CPED1: variants seen among roughly 807,000 people sequenced by gnomAD.
CPED1 encodes the protein cadherin like and PC-esterase domain containing 1.
Under a neutral mutation model 128.2 loss-of-function variants are expected in CPED1, and 114 were observed. The ratio of observed to expected loss-of-function variants is 0.89; its 90% CI spans 0.76 to 1.04. CPED1 has a LOEUF of 1.04. Ranked by LOEUF, CPED1 falls within the 50% of genes least tolerant of loss-of-function variation. The pLI, the probability that CPED1 is intolerant of heterozygous loss-of-function variation, is 0.00. For synonymous variants in CPED1, 462 were observed against 426.7 expected (o/e 1.08, Z -1.02); for missense variants, 1,211 against 1,207.1 (o/e 1.00, Z -0.05).
rs142697781 is a variant in CPED1 at position 121,004,330 on chromosome 7, G to T, written c.250-11335G>T. On this transcript the variant is annotated intron_variant, in intron 2 of 22. Transcript: ENST00000310396. Reference sequence around the variant, plus strand: ...TAGAACCTATCCTCCTCCTCCAGGGGGTATAAATGTGGTGACTGGATAGGC... The same window carrying T: ...TAGAACCTATCCTCCTCCTCCAGGGTGTATAAATGTGGTGACTGGATAGGC... Among the ~76,000 whole-genome samples, 87 of 152,256 alleles carry T rather than the reference G, an allele frequency of 5.7e-4. 1 individual carries two copies. In the East Asian group the frequency reaches 0.016, roughly 29 times the overall value.
chr7:121,221,547 C>A (rs993825409), intron 16 of CPED1, among the ~76,000 whole-genome samples: 8 of 152,244 alleles, frequency 5.3e-5, no homozygotes, highest in Non-Finnish European at 1.2e-4. Context: ...ACACTGTCTT[C>A]CACAATGGTT....
chr7:121,219,623 A>G (rs951904867), intron 16 of CPED1, among the ~76,000 whole-genome samples: 10 of 152,006 alleles, frequency 6.6e-5, no homozygotes, highest in Non-Finnish European at 4.4e-5. Flanking sequence ...ATGAATAGCC[A>G]CTTTTCAGCT....
intron 5 of CPED1, among the ~76,000 whole-genome samples, chr7:121,087,949 C>T (rs1453159766): frequency 6.6e-6 from 1 of 152,026 alleles, no homozygotes; most frequent in East Asian, 1.9e-4. Flanking sequence ...CATGAACCAC[C>T]ATGCCTGGCC....
chr7:121,078,660 G>C (rs1794201800), intron 5 of CPED1, among the ~76,000 whole-genome samples: 1 of 152,038 alleles, frequency 6.6e-6, no homozygotes, highest in Non-Finnish European at 1.5e-5. Flanking sequence ...GGAGAAGATG[G>C]CTGCCAGGTA....
chr7:121,150,365 T>C (rs994691205), intron 16 of CPED1, among the ~76,000 whole-genome samples: 3 of 152,026 alleles, frequency 2.0e-5, no homozygotes, highest in Non-Finnish European at 2.9e-5. Context: ...TCCATGTTGC[T>C]GCAAAGGACA....
At position 121,124,608 on chromosome 7, in the gene CPED1, A is replaced by T. The variant is rs1304983780; in HGVS notation, c.1061+135A>T. 3 of 574,718 alleles carry T rather than the reference A, an allele frequency of 5.2e-6. No individual in the cohort carries two copies. The East Asian group carries it at 9.8e-5, about 19-fold the overall frequency. The allele number at this position is 574,718 out of a possible 1,614,324, so 35.6% of individuals were successfully genotyped here. ...GAAAATTTTATGTCAATATACAAAC[A>T]TGATCTTCTAAACATATGTGGCCAT... On this transcript the variant is annotated intron_variant, in intron 8 of 22. Coordinates refer to ENST00000310396, the MANE Select transcript of CPED1 (RefSeq NM_024913.5).
intron 16 of CPED1, among the ~76,000 whole-genome samples, chr7:121,196,258 T>G (rs1445373254): frequency 6.6e-6 from 1 of 151,940 alleles, no homozygotes; most frequent in Non-Finnish European, 1.5e-5. Context: ...GAATTGAAAC[T>G]TCAGTCTGCT....
intron 16 of CPED1, among the ~76,000 whole-genome samples, chr7:121,169,609 G>A (rs1233449232): frequency 6.6e-6 from 1 of 152,098 alleles, no homozygotes; most frequent in African/African-American, 2.4e-5. Context: ...GAATACTAAT[G>A]GCTAAACTTT....
At chr7:121,289,985 T>G (rs1475667336) in intron 22 of CPED1, among the ~76,000 whole-genome samples, 1 of 152,094 alleles carries the variant, frequency 6.6e-6, no homozygotes, top group Non-Finnish European at 1.5e-5. Context: ...GGCCCCAGTG[T>G]GTGTTGTTCC....
chr7:121,012,468 C>A (rs1792183385), intron 2 of CPED1, among the ~76,000 whole-genome samples: 1 of 152,164 alleles, frequency 6.6e-6, no homozygotes, highest in Non-Finnish European at 1.5e-5. Flanking sequence ...GTATTCTCTT[C>A]CATTAAAAAT....
At chr7:121,019,988 C>A (rs1792396507) in intron 3 of CPED1, among the ~76,000 whole-genome samples, 1 of 151,934 alleles carries the variant, frequency 6.6e-6, no homozygotes, top group Non-Finnish European at 1.5e-5. Flanking sequence ...AGGACTCTGA[C>A]TTAGAGTAGA....
chr7:121,063,161 C>T lies in CPED1; in HGVS notation c.541-1077C>T, dbSNP rs144134430. Among the ~76,000 whole-genome samples, 157 of 152,168 alleles carry T rather than the reference C, an allele frequency of 1.0e-3. No homozygotes were observed. In the East Asian group the frequency reaches 0.013, roughly 12 times the overall value. ...AGGATCTGGGCTGAAGTTTTTCCTT[C>T]TTACAGCTATTATCGGGGAAAAGAG... On this transcript the variant is annotated intron_variant, in intron 4 of 22. Transcript: ENST00000310396.
intron 14 of CPED1, among the ~76,000 whole-genome samples, chr7:121,137,368 T>C (rs914477787): frequency 6.6e-6 from 1 of 151,986 alleles, no homozygotes; most frequent in African/African-American, 2.4e-5. Flanking sequence ...AAAGGAGGTC[T>C]TGCTACATTG....
Position 121,046,889 on chromosome 7 carries a change from G to T in CPED1, c.436G>T (p.Asp146Tyr). 1.9e-6 allele frequency: 3 copies of T among 1,606,140 alleles called. No individual in the cohort carries two copies. Among genetic ancestry groups the T allele is most frequent in the Non-Finnish European group, 2.6e-6 (3 of 1,174,324 alleles). Residue 146 changes from aspartate (D) to tyrosine (Y), a missense_variant and splice_region_variant, in exon 4 of 23, where the codon GAT (aspartate) becomes TAT (tyrosine). By Grantham distance (160) the Asp-to-Tyr change is radical. Transcript: ENST00000310396. The stretch of plus-strand genomic sequence containing the variant: ...TTTGAATATTCTTTTGCTTTTAGGT[G>T]ATCTGGGCTCTTGGGATCTGCTCAT... ...GLGPGLLEQG[D>Y]LGSWDLLICL...
At chr7:121,021,188 T>C (rs1217648475) in intron 3 of CPED1, among the ~76,000 whole-genome samples, 1 of 151,954 alleles carries the variant, frequency 6.6e-6, no homozygotes, top group Non-Finnish European at 1.5e-5. Context: ...TCTTGGGAAA[T>C]ACTATTAAAA....
intron 7 of CPED1, among the ~76,000 whole-genome samples, chr7:121,117,575 T>C (rs923955611): frequency 2.0e-5 from 3 of 152,128 alleles, no homozygotes; most frequent in Admixed American, 1.3e-4. Flanking sequence ...GTCCAGGATG[T>C]TCACTAGCAC....
At chr7:120,996,635 C>T (rs1443866053) in intron 2 of CPED1, among the ~76,000 whole-genome samples, 2 of 152,120 alleles carry the variant, frequency 1.3e-5, no homozygotes, top group East Asian at 3.8e-4. Context: ...CTTTATTATA[C>T]TATTATAATT....
rs6945978 is a variant in CPED1 at position 121,078,693 on chromosome 7, A to C, written c.616+14380A>C. On this transcript the variant is annotated intron_variant, in intron 5 of 22. Transcript: ENST00000310396. Reference sequence around the variant, plus strand: ...GTACTCCCTGTTCAGAAATGCAGCCACTTCCTTTTCACCTCCAAACTGGGA... The same window carrying C: ...GTACTCCCTGTTCAGAAATGCAGCCCCTTCCTTTTCACCTCCAAACTGGGA... 6.7e-3 allele frequency among the ~76,000 whole-genome samples: 1,020 copies of C among 152,142 alleles called. 13 individuals carry two copies. The highest frequency in any genetic ancestry group is 0.022 in the African/African-American group (923 of 41,486).
chr7:121,187,504 C>G (rs1797030146), intron 16 of CPED1, among the ~76,000 whole-genome samples: 1 of 152,064 alleles, frequency 6.6e-6, no homozygotes. Flanking sequence ...ATCACATGTG[C>G]TTTGTAGGTG....
Sources: gnomAD v4.1 joint callset for allele counts (sites outside exome capture counted in the v4.1 genomes callset) on GRCh38, gnomAD v4.1.1 for gene constraint, MANE v1.5 for transcripts, NCBI Gene and HGNC (gene_info 2026-07-23, HGNC 2026-07-21) for gene names.